The following PAX2 variants were observed in gnomAD, a reference collection of about 807,000 sequenced individuals.
The protein encoded by PAX2 is paired box protein Pax-2.
In PAX2, 9 loss-of-function variants were observed where a neutral mutation model predicts 41.7. That is an observed-to-expected ratio of 0.22 (90% confidence interval 0.13 to 0.38). The LOEUF is 0.38. PAX2 is among the 10% of genes least tolerant of loss of function. The pLI, the probability that PAX2 is intolerant of heterozygous loss-of-function variation, is 1.00. For synonymous variants in PAX2, 221 were observed against 212.7 expected, an observed-to-expected ratio of 1.04 and a Z score of -0.34; for missense variants, 418 against 531.6, an observed-to-expected ratio of 0.79 and a Z score of 2.10.
In PAX2 at chr10:100,809,138, C is replaced by T. The variant is rs1411259285; in HGVS notation, c.821C>T (p.Thr274Ile). 1.2e-6 allele frequency: 2 copies of T among 1,612,044 alleles called. No homozygotes were observed. The highest frequency in any genetic ancestry group is 1.3e-5 in the African/African-American group (1 of 74,970). ...QGNEYSLPAL[T>I]PGLDEVKSSL... is the part of the protein sequence containing the mutation. ...AACGAGTACTCCCTCCCAGCCCTGA[C>T]CCCTGGGCTTGATGAAGTCAAGTCG... The change falls in exon 7 of 10, where the codon ACC (threonine) becomes ATC (isoleucine). Residue 274 changes from threonine (T) to isoleucine (I), a missense_variant. Thr to Ile is a moderately conservative substitution (Grantham distance 89). Coordinates refer to ENST00000355243, the MANE Select transcript of PAX2 (RefSeq NM_000278.5).
In PAX2 at chr10:100,794,127, C is replaced by G. The variant is rs752397118; in HGVS notation, c.617-12303C>G. 5.3e-5 allele frequency among the ~76,000 whole-genome samples: 8 copies of G among 152,234 alleles called. No homozygotes were observed. In the East Asian group the frequency reaches 1.3e-3, roughly 26 times the overall value. On this transcript the variant is annotated intron_variant, in intron 5 of 9. Coordinates refer to ENST00000355243, the MANE Select transcript of PAX2 (RefSeq NM_000278.5). ...AAGGGTCATCCTGTCTTATCTGCCACTCACCATAGAACTCTTTCCTCCAAC... is the reference window on the plus strand; with the variant it reads ...AAGGGTCATCCTGTCTTATCTGCCAGTCACCATAGAACTCTTTCCTCCAAC...
intron 5 of PAX2, among the ~76,000 whole-genome samples, chr10:100,790,761 C>T (rs1270818690): frequency 6.6e-6 from 1 of 152,182 alleles, no homozygotes; most frequent in Non-Finnish European, 1.5e-5. Context: ...CCCTGGAGCC[C>T]AGAAAAGGAC....
chr10:100,817,779 A>G (rs562942339), intron 7 of PAX2, among the ~76,000 whole-genome samples: 2 of 152,284 alleles, frequency 1.3e-5, no homozygotes, highest in African/African-American at 2.4e-5. Flanking sequence ...CTAGAGGACA[A>G]CTCAAATCCT....
intron 3 of PAX2, among the ~76,000 whole-genome samples, chr10:100,769,354 A>G (rs1210915668): frequency 1.3e-5 from 2 of 152,202 alleles, no homozygotes; most frequent in Non-Finnish European, 2.9e-5. Flanking sequence ...TTGGCCAGGT[A>G]CAGTGGCTCA....
intron 5 of PAX2, among the ~76,000 whole-genome samples, chr10:100,790,571 C>T (rs909810673): frequency 6.6e-6 from 1 of 152,230 alleles, no homozygotes; most frequent in Non-Finnish European, 1.5e-5. Flanking sequence ...CGAAGCTATC[C>T]CCGGGCCCTG....
At chr10:100,778,053 A>AT (rs975923380) in intron 3 of PAX2, among the ~76,000 whole-genome samples, 45 of 152,192 alleles carry the variant, frequency 3.0e-4, no homozygotes, top group African/African-American at 1.0e-3. Flanking sequence ...GGATCAAGTT[A>AT]TTTTTTACTG....
intron 5 of PAX2, 50 bp from the exon 6 acceptor site, chr10:100,806,380 T>G (rs1847781020): frequency 6.3e-7 from 1 of 1,595,040 alleles, no homozygotes; most frequent in African/African-American, 1.3e-5. Context: ...ACTGTTCCTG[T>G]GCCTCTGCTG....
chr10:100,780,095 T>G (rs188780905), intron 4 of PAX2, among the ~76,000 whole-genome samples: 81 of 152,214 alleles, frequency 5.3e-4, no homozygotes, highest in Middle Eastern at 6.8e-3. Flanking sequence ...TCTCTCTTCT[T>G]CTTAGGTGTA....
At chr10:100,777,141 G>T (rs577638567) in intron 3 of PAX2, among the ~76,000 whole-genome samples, 36 of 138,192 alleles carry the variant, frequency 2.6e-4, no homozygotes, top group African/African-American at 9.6e-4. Flanking sequence ...TTACTCTGTC[G>T]CCTAGGCTGG....
intron 5 of PAX2, among the ~76,000 whole-genome samples, chr10:100,799,551 A>G (rs1847465480): frequency 6.6e-6 from 1 of 152,236 alleles, no homozygotes; most frequent in Non-Finnish European, 1.5e-5. Context: ...AGAGAGCTTC[A>G]GAGTCCGACA....
chr10:100,742,942 G>T (rs998820532), upstream of PAX2, among the ~76,000 whole-genome samples: 32 of 144,014 alleles, frequency 2.2e-4, no homozygotes, highest in African/African-American at 8.0e-4. Context: ...AACAGAAAAG[G>T]GGGAGTCAGA....
rs1848654307 is a variant in PAX2, at chr10:100,828,129, T to C, written c.*510T>C. The C allele has an allele frequency of 4.3e-6, 1 of 230,744 alleles. No individual in the cohort carries two copies. 14.3% of individuals were successfully genotyped at this position (230,744 alleles called of 1,614,324 possible). A position where few individuals can be genotyped will look rare whatever the true frequency, so the allele number is the denominator to read the frequency against. On this transcript the variant is annotated 3_prime_UTR_variant, in exon 10 of 10. Coordinates refer to ENST00000355243, the MANE Select transcript of PAX2 (RefSeq NM_000278.5). The surrounding 1 kb of genome is among the most constrained non-coding windows in gnomAD (Gnocchi z 6.5). ...CAAGGAGATTAAGAAGAAAACGACT[T>C]TCTGCAGGAGGAAGAGCCCGCTGCC... is the stretch of plus-strand genomic sequence containing the variant.
intron 3 of PAX2, among the ~76,000 whole-genome samples, chr10:100,752,014 A>C (rs180839203): frequency 6.6e-6 from 1 of 152,346 alleles, no homozygotes; most frequent in East Asian, 1.9e-4. Context: ...TCACATATAA[A>C]GGATTTTTTA....
At chr10:100,767,213 C>A (rs994388374) in intron 3 of PAX2, among the ~76,000 whole-genome samples, 1 of 152,140 alleles carries the variant, frequency 6.6e-6, no homozygotes, top group Non-Finnish European at 1.5e-5. Context: ...GAGCCAATAG[C>A]GCAGCACCCA....
intron 5 of PAX2, among the ~76,000 whole-genome samples, chr10:100,805,022 A>G (rs1245607396): frequency 5.9e-5 from 1 of 17,034 alleles, no homozygotes; most frequent in Non-Finnish European, 1.2e-4. Context: ...TCTCTCTCAC[A>G]TACACACACA....
upstream of PAX2, among the ~76,000 whole-genome samples, chr10:100,745,027 A>T (rs1845098969): frequency 6.9e-6 from 1 of 145,652 alleles, no homozygotes; most frequent in African/African-American, 2.5e-5. Context: ...CCGGGAAGGA[A>T]CGGAAGGGAA....
intron 7 of PAX2, among the ~76,000 whole-genome samples, chr10:100,815,022 TCGGCCTCCTGGCCCACATCTG>T (rs1217668078): frequency 2.0e-5 from 3 of 152,218 alleles, no homozygotes; most frequent in Non-Finnish European, 4.4e-5. Context: ...ACTCAGAAGC[TCGGCCTCCTGGCCCACATCTG>T]AGATGGTCAG....
At chr10:100,812,381 C>T (rs1378451818) in intron 7 of PAX2, among the ~76,000 whole-genome samples, 3 of 152,220 alleles carry the variant, frequency 2.0e-5, no homozygotes, top group Non-Finnish European at 2.9e-5. Flanking sequence ...AACGGAGCCT[C>T]GTCTCTCCTA....
chr10:100,745,683 G>T lies in PAX2; in HGVS notation c.-578G>T. On this transcript the variant is annotated 5_prime_UTR_variant, in exon 1 of 10. Transcript: ENST00000355243. ...CCCTCCCTCCCGGCCCTTCGGCCGC[G>T]GCGGCGTGCGCCTGCCTTTTCCGGG... 1 of 931,388 alleles carries T rather than the reference G, an allele frequency of 1.1e-6. No homozygotes were observed. Among genetic ancestry groups the T allele is most frequent in the Non-Finnish European group, 1.3e-6 (1 of 769,310 alleles). The allele number at this position is 931,388 out of a possible 1,614,324, so 57.7% of individuals were successfully genotyped here.
Sources: allele counts gnomAD v4.1 joint callset (sites outside exome capture counted in the v4.1 genomes callset), GRCh38; gene constraint gnomAD v4.1.1; non-coding constraint Gnocchi (gnomAD v3.1); transcripts MANE v1.5; gene names NCBI Gene and HGNC (gene_info 2026-07-23, HGNC 2026-07-21).